AKAP9: variants seen among roughly 807,000 people sequenced by gnomAD.
The protein encoded by AKAP9 is A-kinase anchoring protein 9.
AKAP9 carries 311 observed loss-of-function variants against 488.5 expected under a neutral mutation model. That is an observed-to-expected ratio of 0.64 (90% CI 0.58 to 0.70). The LOEUF is 0.70. Among genes scored for constraint, AKAP9 ranks in the 30% least tolerant of loss-of-function variants. The probability of loss-of-function intolerance (pLI) is 0.00; values close to 1 mark genes in which losing one functional copy is unlikely to be tolerated. For synonymous variants in AKAP9, 1,462 were observed against 1,483.5 expected (o/e 0.99, Z 0.33); for missense variants, 4,215 against 4,374.5 (o/e 0.96, Z 1.03).
In AKAP9 at chr7:92,016,204, T is replaced by C; in HGVS notation, c.3688T>C (p.Ser1230Pro). The change falls in exon 11 of 50, where the codon TCT (serine) becomes CCT (proline). Residue 1230 changes from serine to proline, a missense_variant. Around this residue, in one of 5 missense-constraint regions of AKAP9, gnomAD observed 2,361 missense variants for 2,430.0 expected, o/e 0.97. Coordinates refer to ENST00000356239, the MANE Select transcript of AKAP9 (RefSeq NM_005751.5). Reference protein sequence around the residue: ...CEVNAEDKENSGDYISENEDP... With the variant: ...CEVNAEDKENPGDYISENEDP... ...AGTAAATGCAGAAGACAAAGAGAATTCTGGTGATTACATTTCTGAAAATGA... is the reference window on the plus strand; with the variant it reads ...AGTAAATGCAGAAGACAAAGAGAATCCTGGTGATTACATTTCTGAAAATGA... 1 of 1,585,840 alleles carries C rather than the reference T, an allele frequency of 6.3e-7. No homozygotes were observed. The highest frequency in any genetic ancestry group is 8.7e-7 in the Non-Finnish European group (1 of 1,155,588).
chr7:92,039,126 G>T (rs533025657), intron 17 of AKAP9, among the ~76,000 whole-genome samples: 2 of 152,174 alleles, frequency 1.3e-5, no homozygotes, highest in South Asian at 2.1e-4. Context: ...GGATGGTCTC[G>T]ATCTCTTGAC....
At chr7:91,946,775 A>G (rs569621536) in intron 1 of AKAP9, among the ~76,000 whole-genome samples, 10 of 152,328 alleles carry the variant, frequency 6.6e-5, no homozygotes, top group African/African-American at 1.9e-4. Context: ...ATGATAGCTC[A>G]TGGAAAGAGG....
At chr7:92,013,277 C>T (rs1297712938) in intron 9 of AKAP9, among the ~76,000 whole-genome samples, 1 of 151,844 alleles carries the variant, frequency 6.6e-6, no homozygotes, top group African/African-American at 2.4e-5. Flanking sequence ...AGGCGTGAGC[C>T]ACCGCGCCCG....
Position 92,031,614 on chromosome 7 carries a change from TAG to T in AKAP9, c.4338+11_4338+12del. 1 of 1,572,904 alleles carries T rather than the reference TAG, an allele frequency of 6.4e-7. No homozygotes were observed. The highest frequency in any genetic ancestry group is 8.7e-7 in the Non-Finnish European group (1 of 1,143,080). ...AGAAGAAGTAGCTAAGGTAGGCTTATAGCTTATCTGGAAGATTATCTTGGTTT... is the reference window on the plus strand; with the variant it reads ...AGAAGAAGTAGCTAAGGTAGGCTTATCTTATCTGGAAGATTATCTTGGTTT... On this transcript the variant is annotated intron_variant, in intron 16 of 49. Transcript: ENST00000356239.
intron 23 of AKAP9, among the ~76,000 whole-genome samples, chr7:92,061,852 T>C (rs1440638307): frequency 6.6e-6 from 1 of 151,878 alleles, no homozygotes; most frequent in Non-Finnish European, 1.5e-5. Context: ...TTAATTCTCC[T>C]CTGCTGTTAT....
At chr7:92,094,847 A>C (rs990083892) in intron 39 of AKAP9, among the ~76,000 whole-genome samples, 176 bp from the exon 40 acceptor site, 3 of 152,206 alleles carry the variant, frequency 2.0e-5, no homozygotes, top group Non-Finnish European at 2.9e-5. Context: ...AAAACAACAA[A>C]AAAAAGAAAG....
At chr7:92,010,063 A>AT (rs1252082873) in intron 8 of AKAP9, among the ~76,000 whole-genome samples, 1 of 151,946 alleles carries the variant, frequency 6.6e-6, no homozygotes, top group Non-Finnish European at 1.5e-5. Flanking sequence ...TTTTTAAAAC[A>AT]TTTTTTTACA....
chr7:92,031,708 A>G (rs886574752), intron 16 of AKAP9, 104 bp downstream of exon 16: 2 of 888,240 alleles, frequency 2.3e-6, no homozygotes, highest in Admixed American at 4.1e-5. Flanking sequence ...TAAGTTTCAT[A>G]TATAGTTCAT....
At chr7:92,095,258 A>G (rs531700687) in intron 40 of AKAP9, 85 bp downstream of exon 40, 2 of 1,451,630 alleles carry the variant, frequency 1.4e-6, no homozygotes, top group South Asian at 1.2e-5. Context: ...TAAAATGTCA[A>G]CCTTAGACTT....
chr7:91,982,042 G>A (rs1014212080), intron 3 of AKAP9, among the ~76,000 whole-genome samples: 1 of 152,174 alleles, frequency 6.6e-6, no homozygotes. Context: ...GCTAGTGGCT[G>A]TAGGTCAGAC....
At chr7:92,038,371 C>CT in intron 16 of AKAP9, 48 bp from the exon 17 acceptor site, 1 of 1,454,170 alleles carries the variant, frequency 6.9e-7, no homozygotes. Context: ...TAAATTCCTG[C>CT]TGATATTTCT....
intron 15 of AKAP9, 55 bp downstream of exon 15, chr7:92,030,046 C>G: frequency 8.4e-7 from 1 of 1,196,694 alleles, no homozygotes; most frequent in Non-Finnish European, 1.2e-6. Flanking sequence ...ATTTTTCTAT[C>G]ATTTTTATGT....
At chr7:92,032,781 C>T (rs1199640398) in intron 16 of AKAP9, among the ~76,000 whole-genome samples, 1 of 151,790 alleles carries the variant, frequency 6.6e-6, no homozygotes, top group Non-Finnish European at 1.5e-5. Context: ...TTATAGCTTT[C>T]AATGTCTAGT....
At position 92,052,776 on chromosome 7, in the gene AKAP9, G is replaced by T; in HGVS notation, c.5419G>T (p.Asp1807Tyr). The T allele has an allele frequency of 6.2e-7, 1 of 1,613,720 alleles. No individual in the cohort carries two copies. Among genetic ancestry groups the T allele is most frequent in the South Asian group, 1.1e-5 (1 of 91,040 alleles). Residue 1807 changes from aspartate to tyrosine, a missense_variant, in exon 22 of 50, where the codon GAC becomes TAC. Physicochemically the swap from Asp to Tyr is radical, Grantham distance 160. This residue lies in a region of AKAP9 where 2,361 missense variants were observed against 2,430.0 expected (regional missense o/e 0.97). Transcript: ENST00000356239. ...SYSGSDMPRNDINMWSKVTEE... is the reference protein window; with the variant it reads ...SYSGSDMPRNYINMWSKVTEE... Reference sequence around the variant, plus strand: ...TTCTGGAAGTGATATGCCAAGAAATGACATTAACATGTGGTCAAAAGTAAC... The same window carrying T: ...TTCTGGAAGTGATATGCCAAGAAATTACATTAACATGTGGTCAAAAGTAAC...
Position 92,001,354 on chromosome 7 carries a change from A to G in AKAP9, c.1437A>G (p.Ser479=). ...TGGAGAATGCTTTAAGGTCATATTC[A>G]AATATTACAGTTAATGAAGATCAGA... The part of the protein sequence containing the change: ...GEMENALRSY[S]NITVNEDQIK... Residue 479 remains serine (S), a synonymous_variant, in exon 8 of 50, where the codon TCA becomes TCG. Transcript: ENST00000356239. The G allele has an allele frequency of 6.2e-7, 1 of 1,613,770 alleles. No homozygotes were observed.
At chr7:92,071,094 A>G (rs1346797891) in intron 28 of AKAP9, 85 bp downstream of exon 28, 2 of 1,338,020 alleles carry the variant, frequency 1.5e-6, no homozygotes, top group Non-Finnish European at 2.1e-6. Context: ...AACTGAATGT[A>G]GTTTATGATC....
intron 28 of AKAP9, among the ~76,000 whole-genome samples, chr7:92,072,525 A>G (rs542114540): frequency 6.6e-6 from 1 of 152,348 alleles, no homozygotes; most frequent in Admixed American, 6.5e-5. Context: ...GAGTATAAAT[A>G]TAAGATGTCC....
chr7:91,992,674 A>C (rs959022274), intron 4 of AKAP9, among the ~76,000 whole-genome samples: 3 of 142,564 alleles, frequency 2.1e-5, no homozygotes, highest in Non-Finnish European at 4.6e-5. Context: ...AAAAAAAAAA[A>C]AAAAAAAAAA....
chr7:91,972,565 A>G (rs980790630), intron 1 of AKAP9, among the ~76,000 whole-genome samples: 4 of 152,192 alleles, frequency 2.6e-5, no homozygotes, highest in Non-Finnish European at 5.9e-5. Flanking sequence ...ATGGTCTTGA[A>G]TACTGTTTCT....
Sources: allele counts gnomAD v4.1 joint callset (sites outside exome capture counted in the v4.1 genomes callset), GRCh38; gene constraint gnomAD v4.1.1; regional missense constraint gnomAD v4.1.1; transcripts MANE v1.5; gene names NCBI Gene and HGNC (gene_info 2026-07-23, HGNC 2026-07-21).